GRB10: variants seen among roughly 807,000 people sequenced by gnomAD.
The protein encoded by GRB10 is growth factor receptor bound protein 10.
Under a neutral mutation model 80.9 loss-of-function variants are expected in GRB10, and 20 were observed. The observed-to-expected ratio is 0.25, with a 90% CI of 0.17 to 0.36. The LOEUF (loss-of-function observed/expected upper bound fraction) is 0.36, where lower values mean the gene tolerates loss of function less well. Ranked by LOEUF, GRB10 falls within the 10% of genes least tolerant of loss-of-function variation. The pLI is 1.00. For synonymous variants in GRB10, 291 were observed against 291.5 expected (o/e 1.00, Z 0.02); for missense variants, 548 against 747.7 (o/e 0.73, Z 3.12).
intron 5 of GRB10, among the ~76,000 whole-genome samples, chr7:50,689,810 CAG>C (rs780915670): frequency 1.3e-5 from 2 of 151,638 alleles, no homozygotes; most frequent in Non-Finnish European, 2.9e-5. Flanking sequence ...TAGCAAATGA[CAG>C]AGGGTTTTTT....
chr7:50,659,035 A>C (rs897807873), intron 7 of GRB10, among the ~76,000 whole-genome samples: 1 of 152,232 alleles, frequency 6.6e-6, no homozygotes, highest in Non-Finnish European at 1.5e-5. Flanking sequence ...ATCATGGGCA[A>C]TTTAGCACCC....
intron 7 of GRB10, among the ~76,000 whole-genome samples, chr7:50,667,673 A>C (rs926750497): frequency 6.6e-6 from 1 of 152,154 alleles, no homozygotes; most frequent in African/African-American, 2.4e-5. Context: ...GAAAAAAAAA[A>C]AAAGAACAAA....
At chr7:50,605,713 C>T (rs1045596411) in intron 14 of GRB10, among the ~76,000 whole-genome samples, 1 of 152,176 alleles carries the variant, frequency 6.6e-6, no homozygotes, top group Non-Finnish European at 1.5e-5. Context: ...ACCTGCACTC[C>T]AACACATCAA....
At chr7:50,654,525 G>C (rs756927707) in intron 7 of GRB10, among the ~76,000 whole-genome samples, 5 of 152,228 alleles carry the variant, frequency 3.3e-5, no homozygotes, top group African/African-American at 1.2e-4. Context: ...CCTCTAGAAA[G>C]AGCTCACTGC....
chr7:50,662,792 T>C (rs1173463203), intron 7 of GRB10, among the ~76,000 whole-genome samples: 1 of 152,246 alleles, frequency 6.6e-6, no homozygotes, highest in African/African-American at 2.4e-5. Flanking sequence ...TTCTACCTGA[T>C]AGAATCTCTT....
intron 5 of GRB10, among the ~76,000 whole-genome samples, chr7:50,689,828 A>T (rs57634704): frequency 0.013 from 1,975 of 149,642 alleles, 46 homozygotes; most frequent in African/African-American, 0.045. Context: ...TTTTTTTTTT[A>T]TTTTTTACTT....
At chr7:50,792,441 C>A (rs1588151751) in intron 1 of GRB10, 1 of 398,550 alleles carries the variant, frequency 2.5e-6, no homozygotes. Flanking sequence ...GTAAAGGATA[C>A]CCTAATTTCC....
chr7:50,741,102 T>C (rs1300447209), intron 3 of GRB10, among the ~76,000 whole-genome samples: 1 of 152,102 alleles, frequency 6.6e-6, no homozygotes, highest in Non-Finnish European at 1.5e-5. Flanking sequence ...GCAAGTTTAA[T>C]AAAAAGTTTA....
intron 7 of GRB10, among the ~76,000 whole-genome samples, chr7:50,664,962 T>G (rs60767324): frequency 6.6e-6 from 1 of 152,196 alleles, no homozygotes; most frequent in Admixed American, 6.5e-5. Context: ...GAAATTCTTA[T>G]GTATTTGTAT....
At chr7:50,710,901 C>G in intron 4 of GRB10, 1 of 1,612,824 alleles carries the variant, frequency 6.2e-7, no homozygotes, top group Non-Finnish European at 8.5e-7. Flanking sequence ...GGGCCGGCAG[C>G]TTGCATAGGA....
At chr7:50,709,597 G>C (rs2153673221) in intron 4 of GRB10, among the ~76,000 whole-genome samples, 1 of 149,998 alleles carries the variant, frequency 6.7e-6, no homozygotes, top group Admixed American at 6.6e-5. Context: ...GCCCTCCGGA[G>C]GGTGCCTGCT....
rs1459899799 is a variant in GRB10 at position 50,590,505 on chromosome 7, A to G, written c.*2447T>C. On this transcript the variant is annotated 3_prime_UTR_variant, in exon 19 of 19. Transcript: ENST00000401949. ...CCTATTAAACTCTAATAACCAAAGC[A>G]TTTGGCGTTTTCCTTCTCAACTTCG... The G allele has an allele frequency of 1.3e-5, 2 of 152,648 alleles. No homozygotes were observed. The allele number at this position is 152,648 out of a possible 1,614,324, so 9.5% of individuals were successfully genotyped here. A position where few individuals can be genotyped will look rare whatever the true frequency, so the allele number is the denominator to read the frequency against.
At chr7:50,753,474 C>T (rs757772) in intron 3 of GRB10, among the ~76,000 whole-genome samples, 6,374 of 152,286 alleles carry the variant, frequency 0.042, 379 homozygotes, top group Admixed American at 0.16. Flanking sequence ...ATCTGAGAGT[C>T]CCAAGTCAAG....
intron 7 of GRB10, among the ~76,000 whole-genome samples, chr7:50,638,900 T>C (rs781352308): frequency 9.9e-5 from 15 of 152,222 alleles, no homozygotes; most frequent in Non-Finnish European, 1.8e-4. Context: ...CAGAATAGTA[T>C]GTAGTCATAA....
intron 5 of GRB10, among the ~76,000 whole-genome samples, chr7:50,680,402 T>C (rs965782472): frequency 1.4e-4 from 21 of 152,234 alleles, no homozygotes; most frequent in Admixed American, 1.0e-3. Context: ...TTTCAGTCTC[T>C]AGTAATTGAG....
intron 17 of GRB10, among the ~76,000 whole-genome samples, chr7:50,596,714 T>C (rs1045855717): frequency 6.6e-6 from 1 of 151,086 alleles, no homozygotes; most frequent in Non-Finnish European, 1.5e-5. Flanking sequence ...CCTAAACGGT[T>C]CAGAAGAAAA....
intron 7 of GRB10, among the ~76,000 whole-genome samples, chr7:50,649,614 A>G (rs904007718): frequency 1.3e-5 from 2 of 152,194 alleles, no homozygotes; most frequent in Non-Finnish European, 2.9e-5. Context: ...TCTAGAAATC[A>G]TACAAGAGCT....
chr7:50,643,469 A>G (rs1211489057), intron 7 of GRB10, among the ~76,000 whole-genome samples: 1 of 152,180 alleles, frequency 6.6e-6, no homozygotes, highest in African/African-American at 2.4e-5. Flanking sequence ...GCTGAGGAAC[A>G]CTCTGTATTA....
At chr7:50,682,328 C>T (rs1281964890) in intron 5 of GRB10, among the ~76,000 whole-genome samples, 2 of 152,204 alleles carry the variant, frequency 1.3e-5, no homozygotes, top group Non-Finnish European at 2.9e-5. Context: ...GATTGCTAGG[C>T]TCTGCTCATT....
Sources: gnomAD v4.1 joint callset for allele counts (sites outside exome capture counted in the v4.1 genomes callset) on GRCh38, gnomAD v4.1.1 for gene constraint, MANE v1.5 for transcripts, NCBI Gene and HGNC (gene_info 2026-07-23, HGNC 2026-07-21) for gene names.